The following PPP2R2B variants were observed in gnomAD, a reference collection of about 807,000 sequenced individuals.
PPP2R2B encodes the protein protein phosphatase 2 regulatory subunit Bbeta.
A neutral mutation model predicts 46.0 loss-of-function variants in PPP2R2B; 5 were observed. The ratio of observed to expected loss-of-function variants is 0.11; its 90% CI spans 0.06 to 0.23. The LOEUF is 0.23. PPP2R2B is among the 10% of genes least tolerant of loss of function. The pLI, the probability that PPP2R2B is intolerant of heterozygous loss-of-function variation, is 1.00. For missense variants in PPP2R2B, 367 were observed against 575.0 expected, an observed-to-expected ratio of 0.64 and a Z score of 3.70; for synonymous variants, 215 against 206.7, an observed-to-expected ratio of 1.04 and a Z score of -0.34.
rs78839383 is a variant in PPP2R2B at position 147,033,508 on chromosome 5, C to T, written c.79+22157G>A. Reference sequence around the variant, plus strand: ...TGAATGACTATTTGTGGAATGAACCCGAGAAGATACTCATAGCTAGATTGT... The same window carrying T: ...TGAATGACTATTTGTGGAATGAACCTGAGAAGATACTCATAGCTAGATTGT... On this transcript the variant is annotated intron_variant, in intron 1 of 8. Transcript: ENST00000336640. 4.3e-3 allele frequency among the ~76,000 whole-genome samples: 655 copies of T among 152,074 alleles called. 1 individual carries two copies. The highest frequency in any genetic ancestry group is 0.014 in the African/African-American group (593 of 41,452).
intron 1 of PPP2R2B, among the ~76,000 whole-genome samples, chr5:146,982,027 A>T (rs1404916267): frequency 6.6e-6 from 1 of 152,202 alleles, no homozygotes. Flanking sequence ...AATCAAGGAA[A>T]ACTAAATTCT....
At chr5:146,655,726 C>T (rs987462059) in intron 5 of PPP2R2B, among the ~76,000 whole-genome samples, 11 of 152,156 alleles carry the variant, frequency 7.2e-5, no homozygotes, top group African/African-American at 2.7e-4. Context: ...GGGAGGCAGA[C>T]AAGTAAATAG....
Position 146,589,896 on chromosome 5 carries a change from T to G in PPP2R2B, c.*51A>C. ...AAGACCCAAAGAAACATTTAAAAAC[T>G]TGTTTGACTAGTATTCAGTATGTGA... On this transcript the variant is annotated 3_prime_UTR_variant, in exon 10 of 10. Transcript: ENST00000394411. 1 of 1,541,036 alleles carries G rather than the reference T, an allele frequency of 6.5e-7. No individual in the cohort carries two copies. Among genetic ancestry groups the G allele is most frequent in the Non-Finnish European group, 8.9e-7 (1 of 1,125,278 alleles).
intron 2 of PPP2R2B, among the ~76,000 whole-genome samples, chr5:146,732,839 G>A (rs1752312457): frequency 6.6e-6 from 1 of 152,066 alleles, no homozygotes; most frequent in Admixed American, 6.6e-5. Flanking sequence ...CCTCCATATA[G>A]ACTGTAGCTG....
chr5:146,974,712 T>A (rs1020618042), intron 1 of PPP2R2B, among the ~76,000 whole-genome samples: 1 of 147,964 alleles, frequency 6.8e-6, no homozygotes, highest in Non-Finnish European at 1.5e-5. Flanking sequence ...TTTTTTGAGA[T>A]GGAGTCTGGC....
At chr5:146,737,291 T>C (rs1752590460) in intron 2 of PPP2R2B, among the ~76,000 whole-genome samples, 1 of 152,210 alleles carries the variant, frequency 6.6e-6, no homozygotes, top group Admixed American at 6.5e-5. Flanking sequence ...GGGTGTCTAC[T>C]TCATGCAAAG....
intron 7 of PPP2R2B, among the ~76,000 whole-genome samples, chr5:146,607,523 G>A (rs534138392): frequency 5.9e-5 from 9 of 152,314 alleles, no homozygotes; most frequent in South Asian, 2.1e-4. Context: ...AATGCATAGC[G>A]TGATGAAGAA....
At chr5:146,676,796 G>A (rs958342592) in intron 5 of PPP2R2B, among the ~76,000 whole-genome samples, 11 of 152,146 alleles carry the variant, frequency 7.2e-5, no homozygotes, top group Non-Finnish European at 1.6e-4. Flanking sequence ...GCTTACAGTA[G>A]GGACTTAATA....
At chr5:146,985,176 A>G (rs1157993199) in intron 1 of PPP2R2B, among the ~76,000 whole-genome samples, 2 of 151,740 alleles carry the variant, frequency 1.3e-5, no homozygotes, top group Non-Finnish European at 2.9e-5. Flanking sequence ...ATGTGCCACC[A>G]TGCCTGGCTA....
At chr5:147,004,556 G>T (rs919229560) in intron 1 of PPP2R2B, among the ~76,000 whole-genome samples, 5 of 152,152 alleles carry the variant, frequency 3.3e-5, no homozygotes, top group African/African-American at 1.2e-4. Flanking sequence ...TTCCTCAGTT[G>T]TAATGACTTT....
chr5:146,637,521 C>T (rs1774901546), intron 7 of PPP2R2B, among the ~76,000 whole-genome samples: 1 of 152,204 alleles, frequency 6.6e-6, no homozygotes, highest in Admixed American at 6.5e-5. Flanking sequence ...TCTTTGTTCT[C>T]TCAGCCAGAA....
rs527481825 is a variant in PPP2R2B, at chr5:146,630,188, A to T, written c.790+8063T>A. Among the ~76,000 whole-genome samples, 14 of 152,280 alleles carry T rather than the reference A, an allele frequency of 9.2e-5. No homozygotes were observed. The Middle Eastern group carries it at 0.01, about 111-fold the overall frequency. ...GATCTTTTTTCTCTATTCTTTGAACACACAAGTTTCCTCCTCTGTTAGGGC... is the reference window on the plus strand; with the variant it reads ...GATCTTTTTTCTCTATTCTTTGAACTCACAAGTTTCCTCCTCTGTTAGGGC... On this transcript the variant is annotated intron_variant, in intron 7 of 9. Transcript: ENST00000394411.
chr5:146,968,193 T>C (rs1381714014), intron 1 of PPP2R2B, among the ~76,000 whole-genome samples: 2 of 152,322 alleles, frequency 1.3e-5, no homozygotes, highest in East Asian at 3.9e-4. Context: ...CCACATTCCA[T>C]GGGTATCAGT....
At chr5:146,881,647 A>T (rs1160708974), upstream of PPP2R2B, among the ~76,000 whole-genome samples, 2 of 152,142 alleles carry the variant, frequency 1.3e-5, no homozygotes, top group African/African-American at 4.8e-5. Context: ...TCCTGACCTC[A>T]GTGATCTACC....
chr5:146,599,666 C>T (rs951705593), intron 8 of PPP2R2B, among the ~76,000 whole-genome samples: 12 of 152,166 alleles, frequency 7.9e-5, no homozygotes, highest in African/African-American at 2.9e-4. Flanking sequence ...TTAATTATTA[C>T]ACTGTAAGTT....
At chr5:146,998,270 A>G (rs1179056623) in intron 1 of PPP2R2B, among the ~76,000 whole-genome samples, 2 of 152,262 alleles carry the variant, frequency 1.3e-5, no homozygotes, top group East Asian at 3.8e-4. Flanking sequence ...AGTTCCTTTC[A>G]GGGAGCACAA....
At chr5:146,997,295 C>T (rs930915032) in intron 1 of PPP2R2B, among the ~76,000 whole-genome samples, 2 of 152,166 alleles carry the variant, frequency 1.3e-5, no homozygotes, top group African/African-American at 4.8e-5. Context: ...AAATCCTTTT[C>T]CAGAGCCACT....
At chr5:146,616,121 C>T (rs764299604) in intron 7 of PPP2R2B, among the ~76,000 whole-genome samples, 4 of 152,096 alleles carry the variant, frequency 2.6e-5, no homozygotes, top group Non-Finnish European at 5.9e-5. Flanking sequence ...GTGCCAAGAA[C>T]ATACACTGGG....
chr5:146,728,814 T>C (rs1328883698), intron 2 of PPP2R2B, among the ~76,000 whole-genome samples: 2 of 152,212 alleles, frequency 1.3e-5, no homozygotes, highest in Non-Finnish European at 2.9e-5. Flanking sequence ...TTTTTGCCTA[T>C]TGCCATGATT....
Sources: allele counts gnomAD v4.1 joint callset (sites outside exome capture counted in the v4.1 genomes callset), GRCh38; gene constraint gnomAD v4.1.1; transcripts MANE v1.5; gene names NCBI Gene and HGNC (gene_info 2026-07-23, HGNC 2026-07-21).